Variants in ADGRG2 observed in about 807,000 individuals in gnomAD.
The protein encoded by ADGRG2 is adhesion G protein-coupled receptor G2.
Under a neutral mutation model 74.1 loss-of-function variants are expected in ADGRG2, and 26 were observed. The ratio of observed to expected loss-of-function variants is 0.35; its 90% CI spans 0.26 to 0.49. ADGRG2 has a LOEUF of 0.49. Ranked by LOEUF, ADGRG2 falls within the 20% of genes least tolerant of loss-of-function variation. The pLI is 0.99. For missense variants in ADGRG2, 619 were observed against 763.1 expected, an observed-to-expected ratio of 0.81 and a Z score of 2.22; for synonymous variants, 296 against 295.2, an observed-to-expected ratio of 1.00 and a Z score of -0.03.
At chrX:19,078,146 A>C (rs2061783561) in intron 2 of ADGRG2, among the ~76,000 whole-genome samples, 1 of 112,651 alleles carries the variant, frequency 8.9e-6, no homozygotes, top group Non-Finnish European at 1.9e-5. Context: ...ACAATTGGAA[A>C]ACAGAAAAGC....
Position 19,040,068 on chromosome X carries a change from C to A in ADGRG2, c.154+121G>T. Reference sequence around the variant, plus strand: ...GATTTTTCAGGTGTAGGCTTAATGACCTAATTAAGCTTCTTGGAGGAAAAC... The same window carrying A: ...GATTTTTCAGGTGTAGGCTTAATGAACTAATTAAGCTTCTTGGAGGAAAAC... On this transcript the variant is annotated intron_variant, in intron 4 of 28. Coordinates refer to ENST00000379869, the MANE Select transcript of ADGRG2 (RefSeq NM_001079858.3). 3 of 509,391 alleles carry A rather than the reference C, an allele frequency of 5.9e-6. No homozygotes were observed. The South Asian group carries it at 1.0e-4, about 17-fold the overall frequency. 42.0% of individuals were successfully genotyped at this position (509,391 alleles called of 1,213,427 possible).
intron 1 of ADGRG2, among the ~76,000 whole-genome samples, chrX:19,109,741 T>C: frequency 8.9e-6 from 1 of 111,885 alleles, no homozygotes; most frequent in Non-Finnish European, 1.9e-5. Context: ...TTCAAAAATT[T>C]ACACGACAGA....
intron 2 of ADGRG2, among the ~76,000 whole-genome samples, chrX:19,073,799 A>T (rs1455921493): frequency 5.4e-5 from 6 of 111,901 alleles, no homozygotes; most frequent in Non-Finnish European, 9.4e-5. Context: ...TGATATAGAC[A>T]ATGATCAATA....
intron 1 of ADGRG2, among the ~76,000 whole-genome samples, chrX:19,109,987 T>C (rs765412706): frequency 8.9e-6 from 1 of 112,166 alleles, no homozygotes; most frequent in East Asian, 2.8e-4. Flanking sequence ...ACTTCTAGAC[T>C]AGCCCCAGAC....
intron 11 of ADGRG2, among the ~76,000 whole-genome samples, chrX:19,025,026 C>T (rs960826004): frequency 8.9e-6 from 1 of 111,923 alleles, no homozygotes; most frequent in Non-Finnish European, 1.9e-5. Flanking sequence ...CCACCTGCCT[C>T]GGCCTCCCAC....
chrX:19,052,912 T>C (rs2061347809), intron 3 of ADGRG2, among the ~76,000 whole-genome samples: 1 of 110,970 alleles, frequency 9.0e-6, no homozygotes, highest in Non-Finnish European at 1.9e-5. Context: ...CCAGGCTAGT[T>C]TCGAACTCCT....
At chrX:19,068,682 GA>G (rs748564455) in intron 3 of ADGRG2, 34 bp downstream of exon 3, 20,170 of 443,550 alleles carry the variant, frequency 0.045, 116 homozygotes, top group African/African-American at 0.097. Flanking sequence ...CAGATAAACA[GA>G]AAAAAAAAAA....
intron 23 of ADGRG2, among the ~76,000 whole-genome samples, chrX:19,004,295 A>G (rs183798370): frequency 1.8e-5 from 2 of 112,365 alleles, no homozygotes; most frequent in South Asian, 3.7e-4. Context: ...CACTCACTGA[A>G]TATCTATTTT....
At chrX:19,106,947 G>T (rs1412210855) in intron 1 of ADGRG2, among the ~76,000 whole-genome samples, 1 of 109,894 alleles carries the variant, frequency 9.1e-6, no homozygotes, top group Non-Finnish European at 1.9e-5. Context: ...CCTGGGCTTT[G>T]TCTGCTGCTT....
At chrX:19,001,913 C>T (rs755655329) in intron 24 of ADGRG2, among the ~76,000 whole-genome samples, 64 of 111,179 alleles carry the variant, frequency 5.8e-4, no homozygotes, top group African/African-American at 2.0e-3. Flanking sequence ...TTTGGGATGA[C>T]TGCCTGGCTC....
rs1322843013 is a variant in ADGRG2 at position 18,994,978 on chromosome X, A to G, written c.2787T>C (p.Asn929=). ...TVNQGVSSSS[N]SLQSSSNSTN... ...TGGAGTTACTGCTTGACTGTAAGGAATTTGAAGAGCTGGACACTCCTTGGT... is the reference window on the plus strand; with the variant it reads ...TGGAGTTACTGCTTGACTGTAAGGAGTTTGAAGAGCTGGACACTCCTTGGT... Residue 929 remains asparagine, a synonymous_variant, in exon 28 of 29, where the codon AAT becomes AAC. Transcript: ENST00000379869. The G allele has an allele frequency of 8.3e-7, 1 of 1,199,801 alleles. No individual in the cohort carries two copies. Among genetic ancestry groups the G allele is most frequent in the East Asian group, 3.0e-5 (1 of 33,759 alleles).
At chrX:19,037,999 T>G (rs1160124420) in intron 4 of ADGRG2, among the ~76,000 whole-genome samples, 1 of 112,493 alleles carries the variant, frequency 8.9e-6, no homozygotes, top group African/African-American at 3.2e-5. Flanking sequence ...ATTACAATCA[T>G]GAAATATATT....
intron 28 of ADGRG2, among the ~76,000 whole-genome samples, chrX:18,994,491 C>G (rs189089808): frequency 2.8e-5 from 3 of 107,606 alleles, no homozygotes; most frequent in African/African-American, 1.0e-4. Flanking sequence ...GAGTGAGACT[C>G]CATCTCAAAA....
chrX:19,038,732 T>C (rs2060994388), intron 4 of ADGRG2, among the ~76,000 whole-genome samples: 1 of 112,091 alleles, frequency 8.9e-6, no homozygotes, highest in Non-Finnish European at 1.9e-5. Flanking sequence ...CAGTTTGCAC[T>C]GCTCTCCCCC....
rs758006101 is a variant in ADGRG2 at position 19,064,854 on chromosome X, CT to C, written c.118+3862del. Among the ~76,000 whole-genome samples the C allele has an allele frequency of 3.0e-3, 336 of 111,777 alleles. 2 individuals carry two copies. Among genetic ancestry groups the C allele is most frequent in the African/African-American group, 9.4e-3 (290 of 30,750 alleles). On this transcript the variant is annotated intron_variant, in intron 3 of 28. Transcript: ENST00000379869. ...CTCCTCTGTGCCTCAATTTCCTCAC[CT>C]GTAAAATAAGCTGATAATAGTGCCT...
intron 6 of ADGRG2, chrX:19,036,250 A>G (rs751921980): frequency 6.0e-4 from 130 of 215,158 alleles, no homozygotes; most frequent in Non-Finnish European, 1.0e-3. Flanking sequence ...TTAGATTTGA[A>G]TAAACTCATC....
chrX:19,016,431 C>T (rs986076244), intron 15 of ADGRG2, among the ~76,000 whole-genome samples: 8 of 111,520 alleles, frequency 7.2e-5, no homozygotes, highest in Non-Finnish European at 1.1e-4. Flanking sequence ...AGAACCACCC[C>T]ACCCAGGAGT....
chrX:19,077,017 TGTTGTAATTTCTACAACAG>T (rs2061759687), intron 2 of ADGRG2, among the ~76,000 whole-genome samples: 2 of 111,450 alleles, frequency 1.8e-5, no homozygotes, highest in Non-Finnish European at 1.9e-5. Flanking sequence ...TGAGTAGACA[TGTTGTAATTTCTACAACAG>T]GTTGTAATAT....
intron 3 of ADGRG2, among the ~76,000 whole-genome samples, chrX:19,065,132 G>A (rs892023433): frequency 9.3e-5 from 10 of 107,414 alleles, no homozygotes; most frequent in Admixed American, 6.1e-4. Flanking sequence ...TTAGTTGGGC[G>A]TGGTGATGTC....
Sources: gnomAD v4.1 joint callset for allele counts (sites outside exome capture counted in the v4.1 genomes callset) on GRCh38, gnomAD v4.1.1 for gene constraint, MANE v1.5 for transcripts, NCBI Gene and HGNC (gene_info 2026-07-23, HGNC 2026-07-21) for gene names.